Variants in PABPC1L observed in about 807,000 individuals in gnomAD.
The protein encoded by PABPC1L is poly(A) binding protein cytoplasmic 1 like.
Under a neutral mutation model 66.6 loss-of-function variants are expected in PABPC1L, and 31 were observed. The observed-to-expected ratio is 0.47, with a 90% CI of 0.35 to 0.63. The LOEUF (loss-of-function observed/expected upper bound fraction) is 0.63, where lower values mean the gene tolerates loss of function less well. Ranked by LOEUF, PABPC1L falls within the 20% of genes least tolerant of loss-of-function variation. PABPC1L has a pLI of 0.00. For missense variants in PABPC1L, 722 were observed against 848.8 expected (o/e 0.85, Z 1.86); for synonymous variants, 348 against 335.1 (o/e 1.04, Z -0.42).
At chr20:44,915,187 A>G (rs763445023) in intron 2 of PABPC1L, among the ~76,000 whole-genome samples, 4 of 152,218 alleles carry the variant, frequency 2.6e-5, no homozygotes, top group Non-Finnish European at 5.9e-5. Context: ...AGTTCTGTGG[A>G]TAGAAGCTAC....
At chr20:44,930,123 A>G (rs761768555) in intron 7 of PABPC1L, among the ~76,000 whole-genome samples, 2 of 152,182 alleles carry the variant, frequency 1.3e-5, no homozygotes, top group African/African-American at 2.4e-5. Flanking sequence ...GTGTGAAGAC[A>G]TGTAAAGTAT....
rs1158147533 is a variant in PABPC1L, at chr20:44,918,962, C to T, written c.560C>T (p.Ala187Val). The T allele has an allele frequency of 6.2e-7, 1 of 1,612,928 alleles. No homozygotes were observed. The highest frequency in any genetic ancestry group is 1.7e-5 in the Admixed American group (1 of 59,906). Residue 187 changes from alanine to valine, a missense_variant, in exon 4 of 15, where the codon GCC (alanine) becomes GTC (valine). Coordinates refer to ENST00000217073, the MANE Select transcript of PABPC1L (RefSeq NM_001372179.1). ...CGGGAGGCGGAGCTGGGGGCGCGGG[C>T]CCTGGAGTTCACCAACATCTACGTG... ...REREAELGAR[A>V]LEFTNIYVKN...
At chr20:44,911,629 G>T (rs2066705542) in intron 1 of PABPC1L, among the ~76,000 whole-genome samples, 2 of 152,136 alleles carry the variant, frequency 1.3e-5, no homozygotes. Context: ...TGAGTGGGTG[G>T]TTTGCTAGGG....
At chr20:44,923,968 TG>T (rs1294978541) in intron 6 of PABPC1L, among the ~76,000 whole-genome samples, 192 bp from the exon 7 acceptor site, 2 of 152,082 alleles carry the variant, frequency 1.3e-5, no homozygotes, top group South Asian at 2.1e-4. Flanking sequence ...ATTTGGGATG[TG>T]GGGGCTACAG....
chr20:44,936,179 G>A (rs1286523225), intron 11 of PABPC1L, among the ~76,000 whole-genome samples: 1 of 152,034 alleles, frequency 6.6e-6, no homozygotes, highest in Non-Finnish European at 1.5e-5. Context: ...TGCCAAGGCT[G>A]ATCTCAAACT....
intron 5 of PABPC1L, among the ~76,000 whole-genome samples, chr20:44,921,033 G>A (rs2066769200): frequency 6.6e-6 from 1 of 151,090 alleles, no homozygotes; most frequent in Non-Finnish European, 1.5e-5. Flanking sequence ...GGCTGGTTTC[G>A]AACTCCTGAC....
chr20:44,939,016 G>T, intron 14 of PABPC1L, 110 bp from the exon 15 acceptor site: 1 of 701,534 alleles, frequency 1.4e-6, no homozygotes. Flanking sequence ...GCCCTGCCTG[G>T]CTCCATTCTG....
At chr20:44,932,776 T>G in intron 9 of PABPC1L, 1 of 498,466 alleles carries the variant, frequency 2.0e-6, no homozygotes, top group Middle Eastern at 5.3e-4. Flanking sequence ...AATTGCACGC[T>G]CACTTGAAAC....
At chr20:44,928,674 C>T (rs1320552080) in intron 7 of PABPC1L, among the ~76,000 whole-genome samples, 8 of 151,636 alleles carry the variant, frequency 5.3e-5, no homozygotes, top group Admixed American at 3.3e-4. Context: ...CAAGCCCAGC[C>T]GGGGCAACAG....
chr20:44,916,059 A>G (rs890536257), intron 2 of PABPC1L, among the ~76,000 whole-genome samples: 1 of 152,012 alleles, frequency 6.6e-6, no homozygotes, highest in African/African-American at 2.4e-5. Flanking sequence ...ATTCTCTTCA[A>G]CTGTGCACAT....
At position 44,938,648 on chromosome 20, in the gene PABPC1L, G is replaced by GC. The variant is rs557819290; in HGVS notation, c.1792-19dup. 7.0e-3 allele frequency: 11,120 copies of GC among 1,583,342 alleles called. 81 individuals are homozygous for GC. Among genetic ancestry groups the GC allele is most frequent in the South Asian group, 0.022 (1,928 of 86,640 alleles). The stretch of plus-strand genomic sequence containing the variant: ...TGACCTGCTAAGATAGCTGCACTAA[G>GC]CCCCCCCGCCACTCATGTCTCACAG... On this transcript the variant is annotated intron_variant, in intron 13 of 14. Transcript: ENST00000217073.
At chr20:44,915,198 T>C (rs960433116) in intron 2 of PABPC1L, among the ~76,000 whole-genome samples, 18 of 152,166 alleles carry the variant, frequency 1.2e-4, no homozygotes, top group African/African-American at 4.1e-4. Context: ...TAGAAGCTAC[T>C]AGAGATTGAA....
chr20:44,927,018 G>C (rs2066814242), intron 7 of PABPC1L, among the ~76,000 whole-genome samples: 1 of 151,904 alleles, frequency 6.6e-6, no homozygotes, highest in Non-Finnish European at 1.5e-5. Flanking sequence ...TGGGACCACA[G>C]GCATGTGCCA....
At position 44,910,327 on chromosome 20, in the gene PABPC1L, C is replaced by T. The variant is rs1433208582; in HGVS notation, c.184C>T (p.Pro62Ser). Residue 62 changes from proline (P) to serine (S), a missense_variant, in exon 1 of 15, where the codon CCC becomes TCC. Physicochemically the swap from Pro to Ser is moderately conservative, Grantham distance 74. Coordinates refer to ENST00000217073, the MANE Select transcript of PABPC1L (RefSeq NM_001372179.1). ...CTACGCCTACATCAACTTCCAGCAG[C>T]CCGCGGACGGTGAGCCCCGGGGATG... ...LGYAYINFQQ[P>S]ADAERALDTM... is the part of the protein sequence containing the mutation. The T allele has an allele frequency of 2.0e-6, 3 of 1,511,026 alleles. No individual in the cohort carries two copies. Among genetic ancestry groups the T allele is most frequent in the East Asian group, 2.6e-5 (1 of 37,764 alleles). The allele number at this position is 1,511,026 out of a possible 1,614,324, so 93.6% of individuals were successfully genotyped here. A position where few individuals can be genotyped will look rare whatever the true frequency, so the allele number is the denominator to read the frequency against.
intron 2 of PABPC1L, 128 bp downstream of exon 2, chr20:44,912,981 C>T (rs1231207368): frequency 9.0e-6 from 7 of 777,064 alleles, no homozygotes; most frequent in Non-Finnish European, 1.2e-5. Flanking sequence ...GTACAGCAAG[C>T]ACCTGAATGA....
At position 44,921,660 on chromosome 20, in the gene PABPC1L, C is replaced by T. The variant is rs372675067; in HGVS notation, c.805C>T (p.Arg269Cys). ...GCTGTACGCGGGCCGGGCCCAAAAG[C>T]GCGTGGAGCGGCAGAATGAACTGAA... is the stretch of plus-strand genomic sequence containing the variant. ...RLLYAGRAQKRVERQNELKRR... is the reference protein window; with the variant it reads ...RLLYAGRAQKCVERQNELKRR... The change falls in exon 6 of 15, where the codon CGC becomes TGC. Residue 269 changes from arginine (R) to cysteine (C), a missense_variant. Transcript: ENST00000217073. The T allele has an allele frequency of 3.2e-5, 51 of 1,613,882 alleles. No homozygotes were observed. The highest frequency in any genetic ancestry group is 1.6e-4 in the Middle Eastern group (1 of 6,082).
At chr20:44,920,061 C>A (rs575402959) in intron 5 of PABPC1L, among the ~76,000 whole-genome samples, 1 of 152,036 alleles carries the variant, frequency 6.6e-6, no homozygotes. Context: ...TCTGTATACC[C>A]CATTCCCCCA....
intron 5 of PABPC1L, among the ~76,000 whole-genome samples, chr20:44,921,251 C>T (rs762973637): frequency 6.6e-6 from 1 of 150,700 alleles, no homozygotes; most frequent in African/African-American, 2.5e-5. Flanking sequence ...CCAGGTTCAA[C>T]GATTCTCCTG....
intron 2 of PABPC1L, 49 bp from the exon 3 acceptor site, chr20:44,916,707 C>T: frequency 6.3e-7 from 1 of 1,576,476 alleles, no homozygotes. Flanking sequence ...TTCCTTTCTA[C>T]CTGAACCCTC....
Sources: gnomAD v4.1 joint callset for allele counts (sites outside exome capture counted in the v4.1 genomes callset) on GRCh38, gnomAD v4.1.1 for gene constraint, MANE v1.5 for transcripts, NCBI Gene and HGNC (gene_info 2026-07-23, HGNC 2026-07-21) for gene names.